Variants in SVOPL observed in about 807,000 individuals in gnomAD.
SVOPL encodes putative transporter SVOPL.
A neutral mutation model predicts 61.0 loss-of-function variants in SVOPL; 60 were observed. The observed-to-expected ratio is 0.98, with a 90% confidence interval of 0.80 to 1.22. SVOPL has a LOEUF of 1.22. Ranked by LOEUF, SVOPL falls within the 50% of genes most tolerant of loss-of-function variation. The pLI is 0.00. For synonymous variants in SVOPL, 279 were observed against 250.0 expected (o/e 1.12, Z -1.09); for missense variants, 662 against 643.9 (o/e 1.03, Z -0.30).
At chr7:138,656,366 A>C (rs1010795559) in intron 7 of SVOPL, 82 bp downstream of exon 7, 53 of 1,389,028 alleles carry the variant, frequency 3.8e-5, no homozygotes, top group Non-Finnish European at 5.2e-5. Context: ...GTACCAAACC[A>C]GCAGTATTTC....
intron 1 of SVOPL, among the ~76,000 whole-genome samples, chr7:138,682,281 C>G (rs1176676639): frequency 1.3e-5 from 2 of 152,102 alleles, no homozygotes; most frequent in Non-Finnish European, 2.9e-5. Flanking sequence ...AACACCTGAA[C>G]CCACTGAAAA....
At chr7:138,619,770 A>G (rs1482467583) in intron 14 of SVOPL, among the ~76,000 whole-genome samples, 2 of 152,144 alleles carry the variant, frequency 1.3e-5, no homozygotes, top group Non-Finnish European at 2.9e-5. Flanking sequence ...GTGGGCCACA[A>G]CTGAGTTAGC....
At chr7:138,661,328 G>T in intron 5 of SVOPL, 1 of 985,392 alleles carries the variant, frequency 1.0e-6, no homozygotes, top group Non-Finnish European at 1.2e-6. Context: ...ATGTGTAGCT[G>T]CTTATGTTTA....
intron 14 of SVOPL, among the ~76,000 whole-genome samples, chr7:138,619,536 G>T (rs1799452528): frequency 6.8e-6 from 1 of 146,124 alleles, no homozygotes; most frequent in Non-Finnish European, 1.5e-5. Flanking sequence ...AAGACAGGTG[G>T]GGATTAGCTT....
At position 138,678,961 on chromosome 7, in the gene SVOPL, C is replaced by T. The variant is rs1802640176; in HGVS notation, c.82+3G>A. The T allele has an allele frequency of 1.9e-6, 3 of 1,551,224 alleles. No individual in the cohort carries two copies. The highest frequency in any genetic ancestry group is 2.6e-6 in the Non-Finnish European group (3 of 1,146,822). ...GAGCTGGAGACTTCTATGATAATCT[C>T]ACCTTTAACCTGTGGCTCTGCGGTC... On this transcript the variant is annotated splice_donor_region_variant and intron_variant, in intron 2 of 15. Coordinates refer to ENST00000674285, the MANE Select transcript of SVOPL (RefSeq NM_001139456.2).
intron 7 of SVOPL, among the ~76,000 whole-genome samples, chr7:138,651,200 A>G (rs971586841): frequency 1.3e-5 from 2 of 152,256 alleles, no homozygotes; most frequent in East Asian, 3.9e-4. Flanking sequence ...GGTGTGGAAG[A>G]AAGTTTATCC....
intron 13 of SVOPL, among the ~76,000 whole-genome samples, chr7:138,622,863 A>C (rs989672508): frequency 3.3e-5 from 5 of 152,250 alleles, no homozygotes; most frequent in African/African-American, 1.2e-4. Context: ...AAGTTTAATA[A>C]GTCAGCAAGT....
At chr7:138,672,945 T>C (rs1802467560) in intron 3 of SVOPL, among the ~76,000 whole-genome samples, 1 of 148,900 alleles carries the variant, frequency 6.7e-6, no homozygotes, top group Admixed American at 6.7e-5. Context: ...TAGAAAAGAA[T>C]TGAAGGAATA....
At chr7:138,672,859 C>T (rs1421420399) in intron 3 of SVOPL, among the ~76,000 whole-genome samples, 1 of 145,166 alleles carries the variant, frequency 6.9e-6, no homozygotes, top group East Asian at 2.0e-4. Flanking sequence ...GAGTATGATC[C>T]TTTATCCATA....
rs71179710 is a variant in SVOPL at position 138,639,914 on chromosome 7, G to GT, written c.789+4802dup. Among the ~76,000 whole-genome samples, 1,115 of 148,124 alleles carry GT rather than the reference G, an allele frequency of 7.5e-3. 13 individuals carry two copies. The highest frequency in any genetic ancestry group is 9.0e-3 in the Non-Finnish European group (603 of 66,902). ...ACTACAGGTGTGCGCCACTATGCCT[G>GT]TTTTTTTTTTTTAGCGGGGAGCGGT... On this transcript the variant is annotated intron_variant, in intron 9 of 15. Transcript: ENST00000674285.
chr7:138,679,184 A>C, intron 1 of SVOPL, 105 bp from the exon 2 acceptor site: 1 of 736,586 alleles, frequency 1.4e-6, no homozygotes, highest in Non-Finnish European at 2.2e-6. Flanking sequence ...CCCTCACAAA[A>C]ATCGAATGAG....
At chr7:138,663,421 C>T (rs778561846) in intron 4 of SVOPL, 436 of 1,338,310 alleles carry the variant, frequency 3.3e-4, no homozygotes, top group Non-Finnish European at 2.9e-4. Context: ...TTCGGCTCCA[C>T]TCTATTCAGA....
At position 138,659,407 on chromosome 7, in the gene SVOPL, G is replaced by A. The variant is rs192849688; in HGVS notation, c.470+457C>T. 1.3e-4 allele frequency among the ~76,000 whole-genome samples: 19 copies of A among 151,800 alleles called. No individual in the cohort carries two copies. The South Asian group carries it at 3.1e-3, about 25-fold the overall frequency. The stretch of plus-strand genomic sequence containing the variant: ...ACTTGGAGGCTGAGGCAAAAGAATC[G>A]CTTGAACCCAGGAGGCGGAGGTTGC... On this transcript the variant is annotated intron_variant, in intron 6 of 15. Coordinates refer to ENST00000674285, the MANE Select transcript of SVOPL (RefSeq NM_001139456.2).
chr7:138,638,607 A>T (rs1424737671), intron 9 of SVOPL, among the ~76,000 whole-genome samples: 2 of 151,554 alleles, frequency 1.3e-5, no homozygotes, highest in Non-Finnish European at 2.9e-5. Flanking sequence ...AAACAGCTAA[A>T]ATAAAAGTTG....
At position 138,679,003 on chromosome 7, in the gene SVOPL, G is replaced by T; in HGVS notation, c.43C>A (p.Arg15=). The T allele has an allele frequency of 6.4e-7, 1 of 1,551,636 alleles. No individual in the cohort carries two copies. The highest frequency in any genetic ancestry group is 8.7e-7 in the Non-Finnish European group (1 of 1,146,964). Reference sequence around the variant, plus strand: ...TCTGCGGTCCCCAGGCTCAATTTCCGAAGGCTGAGGATCGTGACAGGCTCT... The same window carrying T: ...TCTGCGGTCCCCAGGCTCAATTTCCTAAGGCTGAGGATCGTGACAGGCTCT... ...PTEPVTILSL[R]KLSLGTAEPQ... The change falls in exon 2 of 16, where the codon CGG becomes AGG. Residue 15 remains arginine, a synonymous_variant. Coordinates refer to ENST00000674285, the MANE Select transcript of SVOPL (RefSeq NM_001139456.2).
At chr7:138,697,880 G>A (rs890147549) in intron 1 of SVOPL, among the ~76,000 whole-genome samples, 2 of 151,836 alleles carry the variant, frequency 1.3e-5, no homozygotes, top group African/African-American at 4.8e-5. Context: ...GCAAATTGTA[G>A]GAACAAACAA....
intron 14 of SVOPL, among the ~76,000 whole-genome samples, chr7:138,609,642 G>A (rs1374506238): frequency 6.7e-6 from 1 of 149,338 alleles, no homozygotes; most frequent in Non-Finnish European, 1.5e-5. Context: ...CTGGGCAACA[G>A]AGTGAGACCC....
chr7:138,631,960 T>TCTCTCTCACACACACACACACACACA (rs935815206), intron 9 of SVOPL, among the ~76,000 whole-genome samples: 174 of 147,062 alleles, frequency 1.2e-3, no homozygotes, highest in African/African-American at 4.0e-3. Context: ...TGCTCTGATA[T>TCTCTCTCACACACACACACACACACA]CACACACACA....
chr7:138,692,443 A>G (rs1802962900), intron 1 of SVOPL, among the ~76,000 whole-genome samples: 2 of 152,006 alleles, frequency 1.3e-5, no homozygotes, highest in Non-Finnish European at 1.5e-5. Context: ...ACACATATAA[A>G]CGCTCCATGC....
Sources: gnomAD v4.1 joint callset for allele counts (sites outside exome capture counted in the v4.1 genomes callset) on GRCh38, gnomAD v4.1.1 for gene constraint, MANE v1.5 for transcripts, NCBI Gene and HGNC (gene_info 2026-07-23, HGNC 2026-07-21) for gene names.